The following CTNNA3 variants were observed in gnomAD, a reference collection of about 807,000 sequenced individuals.
The protein encoded by CTNNA3 is catenin alpha-3.
Under a neutral mutation model 95.7 loss-of-function variants are expected in CTNNA3, and 76 were observed. The ratio of observed to expected loss-of-function variants is 0.79; its 90% CI spans 0.66 to 0.96. The LOEUF (loss-of-function observed/expected upper bound fraction) is 0.96. Among genes scored for constraint, CTNNA3 ranks in the 40% least tolerant of loss-of-function variants. The pLI, the probability that CTNNA3 is intolerant of heterozygous loss-of-function variation, is 0.00. For synonymous variants in CTNNA3, 431 were observed against 374.4 expected (o/e 1.15, Z -1.74); for missense variants, 1,191 against 1,089.8 (o/e 1.09, Z -1.31).
intron 13 of CTNNA3, among the ~76,000 whole-genome samples, chr10:66,167,203 T>C (rs1394594207): frequency 6.6e-6 from 1 of 152,122 alleles, no homozygotes; most frequent in African/African-American, 2.4e-5. Context: ...TTAAGTGTGA[T>C]AAAATGTTCT....
At chr10:66,753,610 C>T (rs1025097518) in intron 9 of CTNNA3, among the ~76,000 whole-genome samples, 3 of 150,738 alleles carry the variant, frequency 2.0e-5, no homozygotes, top group South Asian at 4.2e-4. Flanking sequence ...TTCAGTGAGC[C>T]GAGATTGCAC....
intron 7 of CTNNA3, among the ~76,000 whole-genome samples, chr10:66,846,168 G>A (rs1456833150): frequency 7.0e-6 from 1 of 142,048 alleles, no homozygotes; most frequent in Admixed American, 7.7e-5. Context: ...CAACAGAGAT[G>A]AACCTGGCGG....
At chr10:66,435,807 T>C (rs1379618682) in intron 11 of CTNNA3, among the ~76,000 whole-genome samples, 1 of 152,206 alleles carries the variant, frequency 6.6e-6, no homozygotes, top group Non-Finnish European at 1.5e-5. Flanking sequence ...CTTTCTCCTG[T>C]GGGCACTTAG....
At position 66,368,515 on chromosome 10, in the gene CTNNA3, A is replaced by G. The variant is rs369143369; in HGVS notation, c.1732+10637T>C. On this transcript the variant is annotated intron_variant, in intron 12 of 17. Coordinates refer to ENST00000433211, the MANE Select transcript of CTNNA3 (RefSeq NM_013266.4). Reference sequence around the variant, plus strand: ...TATTTTAACGGGATGTTAGACTGGGACTGCGTAGTTATATCTTTTCAGTTT... The same window carrying G: ...TATTTTAACGGGATGTTAGACTGGGGCTGCGTAGTTATATCTTTTCAGTTT... 4.0e-4 allele frequency among the ~76,000 whole-genome samples: 61 copies of G among 151,932 alleles called. 1 individual carries two copies. In the South Asian group the frequency reaches 0.012, roughly 31 times the overall value.
At chr10:66,480,665 C>A (rs960816740) in intron 11 of CTNNA3, among the ~76,000 whole-genome samples, 7 of 151,984 alleles carry the variant, frequency 4.6e-5, no homozygotes, top group African/African-American at 1.7e-4. Flanking sequence ...AGTGCAGTGG[C>A]GCAATCTCGG....
At chr10:67,280,284 T>C (rs1395562009) in intron 5 of CTNNA3, among the ~76,000 whole-genome samples, 3 of 150,494 alleles carry the variant, frequency 2.0e-5, no homozygotes, top group African/African-American at 7.4e-5. Flanking sequence ...GACTAAGGAA[T>C]GTAACCAAAA....
intron 11 of CTNNA3, among the ~76,000 whole-genome samples, chr10:66,473,922 AC>A (rs1452320782): frequency 1.1e-4 from 16 of 151,934 alleles, no homozygotes; most frequent in Non-Finnish European, 1.9e-4. Context: ...TCATTGTTGG[AC>A]ATTTGGGTTG....
rs546947492 is a variant in CTNNA3 at position 67,015,229 on chromosome 10, T to C, written c.1047+165088A>G. On this transcript the variant is annotated intron_variant, in intron 7 of 17. Transcript: ENST00000433211. ...TCATTATCATAGTTTATACCATTTA[T>C]ATGCTATTCTCTAATTTCTAAAGCT... 3.9e-5 allele frequency: 6 copies of C among 152,266 alleles called. No individual in the cohort carries two copies. In the South Asian group the frequency reaches 1.2e-3, roughly 31 times the overall value. 9.4% of individuals were successfully genotyped at this position (152,266 alleles called of 1,614,324 possible).
At chr10:67,257,285 T>A (rs948438202) in intron 5 of CTNNA3, among the ~76,000 whole-genome samples, 10 of 152,222 alleles carry the variant, frequency 6.6e-5, no homozygotes, top group Admixed American at 5.2e-4. Context: ...GGTTTGTGAT[T>A]TTCTAACTCA....
intron 5 of CTNNA3, among the ~76,000 whole-genome samples, chr10:67,309,440 A>G (rs892502611): frequency 1.3e-5 from 2 of 152,178 alleles, no homozygotes; most frequent in Non-Finnish European, 2.9e-5. Flanking sequence ...ATTGTAAGAT[A>G]AAAGAGAATT....
intron 7 of CTNNA3, among the ~76,000 whole-genome samples, chr10:67,079,501 G>A (rs1856923186): frequency 6.6e-6 from 1 of 152,096 alleles, no homozygotes; most frequent in Non-Finnish European, 1.5e-5. Flanking sequence ...AATAGAAAAG[G>A]CAAAGTATTA....
chr10:67,626,906 A>C (rs980369745), intron 2 of CTNNA3, among the ~76,000 whole-genome samples: 9 of 152,168 alleles, frequency 5.9e-5, no homozygotes, highest in African/African-American at 2.2e-4. Flanking sequence ...GACTTTAATA[A>C]ATCTTTGGTA....
chr10:67,601,289 G>A (rs565481060), intron 3 of CTNNA3, among the ~76,000 whole-genome samples: 63 of 152,286 alleles, frequency 4.1e-4, no homozygotes, highest in African/African-American at 1.5e-3. Flanking sequence ...TGGATGGGGG[G>A]AATGGGGATG....
At chr10:66,420,835 A>AAATGAATAAATAAATTAATT (rs1554959967) in intron 11 of CTNNA3, among the ~76,000 whole-genome samples, 1 of 92,994 alleles carries the variant, frequency 1.1e-5, no homozygotes, top group Non-Finnish European at 2.3e-5. Flanking sequence ...ATAAATAAAT[A>AAATGAATAAATAAATTAATT]AATAAAAAAC....
chr10:66,030,012 T>C (rs1022905572), intron 15 of CTNNA3, among the ~76,000 whole-genome samples: 4 of 152,026 alleles, frequency 2.6e-5, no homozygotes, highest in African/African-American at 4.8e-5. Flanking sequence ...ATTACAGCTA[T>C]ACAAGGAGGT....
At chr10:67,639,894 A>G (rs1454415947) in intron 2 of CTNNA3, among the ~76,000 whole-genome samples, 2 of 152,220 alleles carry the variant, frequency 1.3e-5, no homozygotes, top group Non-Finnish European at 2.9e-5. Context: ...ACCGACAGCC[A>G]ATATCATACT....
intron 5 of CTNNA3, among the ~76,000 whole-genome samples, chr10:67,283,117 C>A (rs535299344): frequency 9.2e-5 from 14 of 152,218 alleles, no homozygotes; most frequent in South Asian, 8.3e-4. Context: ...TTTCCCCACT[C>A]AGTTTTTTAA....
intron 10 of CTNNA3, among the ~76,000 whole-genome samples, chr10:66,554,952 C>A (rs1361935712): frequency 1.3e-5 from 2 of 151,898 alleles, no homozygotes; most frequent in East Asian, 3.9e-4. Flanking sequence ...ATACTTGGCT[C>A]TCTGATTATA....
chr10:67,506,917 T>C (rs1839444860), intron 5 of CTNNA3, among the ~76,000 whole-genome samples: 1 of 152,238 alleles, frequency 6.6e-6, no homozygotes, highest in African/African-American at 2.4e-5. Context: ...CAAGTCACAG[T>C]GGACAACCCA....
Sources: allele counts gnomAD v4.1 joint callset (sites outside exome capture counted in the v4.1 genomes callset), GRCh38; gene constraint gnomAD v4.1.1; transcripts MANE v1.5; gene names NCBI Gene and HGNC (gene_info 2026-07-23, HGNC 2026-07-21).